IL1RAPL2: variants seen among roughly 807,000 people sequenced by gnomAD.
IL1RAPL2 encodes X-linked interleukin-1 receptor accessory protein-like 2.
In IL1RAPL2, 3 loss-of-function variants were observed where a neutral mutation model predicts 44.1. The ratio of observed to expected loss-of-function variants is 0.07; its 90% CI spans 0.03 to 0.18. IL1RAPL2 has a LOEUF of 0.18. Ranked by LOEUF, IL1RAPL2 falls within the 10% of genes least tolerant of loss-of-function variation. IL1RAPL2 has a pLI of 1.00. For missense variants in IL1RAPL2, 391 were observed against 496.4 expected (o/e 0.79, Z 2.02); for synonymous variants, 181 against 178.8 (o/e 1.01, Z -0.10).
intron 2 of IL1RAPL2, among the ~76,000 whole-genome samples, chrX:104,871,591 T>C (rs1015502929): frequency 2.7e-5 from 3 of 109,939 alleles, no homozygotes; most frequent in African/African-American, 1.0e-4. Flanking sequence ...ATTTTTTTTC[T>C]GAATTCTTTT....
chrX:105,397,690 G>T (rs1289399804), intron 5 of IL1RAPL2, among the ~76,000 whole-genome samples: 3 of 111,004 alleles, frequency 2.7e-5, no homozygotes, highest in Non-Finnish European at 5.7e-5. Flanking sequence ...AGAGTAGGAG[G>T]TATTTGCTTT....
At chrX:104,928,924 G>A (rs753457587) in intron 2 of IL1RAPL2, among the ~76,000 whole-genome samples, 4 of 111,232 alleles carry the variant, frequency 3.6e-5, no homozygotes, top group Non-Finnish European at 5.7e-5. Context: ...AAGGATTTTT[G>A]AAAATAAAAT....
At chrX:105,008,944 T>G (rs1224072380) in intron 2 of IL1RAPL2, among the ~76,000 whole-genome samples, 3 of 111,659 alleles carry the variant, frequency 2.7e-5, no homozygotes, top group East Asian at 5.6e-4. Flanking sequence ...TGAAGGATAT[T>G]AGCAGACACT....
intron 5 of IL1RAPL2, among the ~76,000 whole-genome samples, chrX:105,314,408 G>A: frequency 9.0e-6 from 1 of 111,186 alleles, no homozygotes; most frequent in Non-Finnish European, 1.9e-5. Flanking sequence ...GCCTTTCTTT[G>A]TATGTATCAA....
intron 2 of IL1RAPL2, among the ~76,000 whole-genome samples, chrX:104,892,331 C>T (rs1428986004): frequency 9.0e-6 from 1 of 111,622 alleles, no homozygotes; most frequent in African/African-American, 3.3e-5. Flanking sequence ...GGGAAGATTC[C>T]CTCTTTTTCT....
At chrX:105,688,321 C>T (rs978957302) in intron 6 of IL1RAPL2, among the ~76,000 whole-genome samples, 6 of 111,624 alleles carry the variant, frequency 5.4e-5, no homozygotes, top group Non-Finnish European at 1.1e-4. Flanking sequence ...ATTTAGAAAA[C>T]CCCATCGTCA....
chrX:105,740,816 G>A, intron 8 of IL1RAPL2, 125 bp downstream of exon 8: 2 of 600,374 alleles, frequency 3.3e-6, no homozygotes, highest in Non-Finnish European at 5.0e-6. Flanking sequence ...GTCTTTTCAA[G>A]GAAAGATATT....
At chrX:104,588,816 C>T (rs1928611201) in intron 1 of IL1RAPL2, among the ~76,000 whole-genome samples, 1 of 112,091 alleles carries the variant, frequency 8.9e-6, no homozygotes, top group African/African-American at 3.2e-5. Flanking sequence ...ACCTTGCTTT[C>T]TCAGTGCCTG....
chrX:105,502,725 T>C (rs1004318183), intron 6 of IL1RAPL2, among the ~76,000 whole-genome samples: 2 of 110,641 alleles, frequency 1.8e-5, no homozygotes, highest in African/African-American at 3.3e-5. Context: ...CATTCTTTTT[T>C]TTTTTGTTTG....
At chrX:105,518,457 G>T (rs1216256146) in intron 6 of IL1RAPL2, among the ~76,000 whole-genome samples, 4 of 111,703 alleles carry the variant, frequency 3.6e-5, no homozygotes, top group Non-Finnish European at 7.5e-5. Context: ...AGTTTGCAGA[G>T]ATCCAGTTTA....
At chrX:105,414,892 A>G (rs2035721872) in intron 5 of IL1RAPL2, among the ~76,000 whole-genome samples, 2 of 112,478 alleles carry the variant, frequency 1.8e-5, no homozygotes, top group South Asian at 3.6e-4. Context: ...GATGCTCAGT[A>G]AATATTAAAT....
chrX:104,601,317 C>T (rs1286111251), intron 1 of IL1RAPL2, among the ~76,000 whole-genome samples: 1 of 109,804 alleles, frequency 9.1e-6, no homozygotes, highest in African/African-American at 3.3e-5. Flanking sequence ...TGATGTTCCC[C>T]TTCCTGTGTC....
At chrX:104,837,920 G>A (rs1477739032) in intron 2 of IL1RAPL2, among the ~76,000 whole-genome samples, 2 of 111,916 alleles carry the variant, frequency 1.8e-5, no homozygotes, top group African/African-American at 3.3e-5. Flanking sequence ...TGTAAGGAAG[G>A]GGTCCAGTTT....
intron 2 of IL1RAPL2, among the ~76,000 whole-genome samples, chrX:105,089,315 G>A (rs2032514391): frequency 9.0e-6 from 1 of 111,083 alleles, no homozygotes; most frequent in African/African-American, 3.3e-5. Flanking sequence ...TTTCAGCCAA[G>A]CAAGAGAATA....
At chrX:105,086,825 G>A (rs906928400) in intron 2 of IL1RAPL2, among the ~76,000 whole-genome samples, 1 of 109,859 alleles carries the variant, frequency 9.1e-6, no homozygotes, top group African/African-American at 3.3e-5. Flanking sequence ...TTAAGTTTTA[G>A]TAGCCATATA....
intron 2 of IL1RAPL2, among the ~76,000 whole-genome samples, chrX:104,864,752 A>G (rs1922574271): frequency 8.9e-6 from 1 of 111,735 alleles, no homozygotes; most frequent in Non-Finnish European, 1.9e-5. Context: ...TCTGGCATGC[A>G]TCTTTCTCCC....
At chrX:105,655,818 C>G (rs1309517579) in intron 6 of IL1RAPL2, among the ~76,000 whole-genome samples, 2 of 111,600 alleles carry the variant, frequency 1.8e-5, no homozygotes, top group Non-Finnish European at 3.8e-5. Flanking sequence ...TGCTTTTATA[C>G]ATTTTTTGTT....
chrX:104,595,396 A>G (rs764118972), intron 1 of IL1RAPL2, among the ~76,000 whole-genome samples: 1 of 111,227 alleles, frequency 9.0e-6, no homozygotes, highest in East Asian at 2.8e-4. Flanking sequence ...GATGACAAAC[A>G]TGGTGGTGGC....
chrX:105,463,567 CT>C (rs2036107688), intron 5 of IL1RAPL2, among the ~76,000 whole-genome samples: 3 of 33,025 alleles, frequency 9.1e-5, no homozygotes, highest in African/African-American at 3.2e-4. Context: ...CTCTCTCTCT[CT>C]CCCACACACA....
Sources: gnomAD v4.1 joint callset for allele counts (sites outside exome capture counted in the v4.1 genomes callset) on GRCh38, gnomAD v4.1.1 for gene constraint, MANE v1.5 for transcripts, NCBI Gene and HGNC (gene_info 2026-07-23, HGNC 2026-07-21) for gene names.